SLC25A33: variants seen among roughly 807,000 people sequenced by gnomAD.
The protein encoded by SLC25A33 is bone marrow stromal cell mitochondrial carrier protein.
A neutral mutation model predicts 35.5 loss-of-function variants in SLC25A33; 15 were observed. The ratio of observed to expected loss-of-function variants is 0.42; its 90% CI spans 0.28 to 0.65. SLC25A33 has a LOEUF of 0.65. Ranked by LOEUF, SLC25A33 falls within the 30% of genes least tolerant of loss-of-function variation. The pLI is 0.20. For synonymous variants in SLC25A33, 136 were observed against 148.7 expected (o/e 0.91, Z 0.62); for missense variants, 257 against 398.5 (o/e 0.64, Z 3.02).
chr1:9,581,665 G>T (rs1334827049), intron 6 of SLC25A33, among the ~76,000 whole-genome samples: 1 of 150,838 alleles, frequency 6.6e-6, no homozygotes, highest in Non-Finnish European at 1.5e-5. Flanking sequence ...GAAGGCAGAG[G>T]TTGCAGTGAG....
chr1:9,543,112 G>A (rs1008305001), intron 1 of SLC25A33, among the ~76,000 whole-genome samples: 1 of 151,646 alleles, frequency 6.6e-6, no homozygotes, highest in Non-Finnish European at 1.5e-5. Flanking sequence ...GAGCCACCAC[G>A]CCCTGCGTGA....
At chr1:9,561,338 AT>A (rs1159041731) in intron 2 of SLC25A33, among the ~76,000 whole-genome samples, 1 of 152,142 alleles carries the variant, frequency 6.6e-6, no homozygotes, top group East Asian at 1.9e-4. Context: ...CAGATGAGAC[AT>A]TTGTCTTGGA....
chr1:9,556,646 G>GCC (rs199607544), intron 2 of SLC25A33, among the ~76,000 whole-genome samples: 7 of 151,308 alleles, frequency 4.6e-5, no homozygotes, highest in African/African-American at 1.5e-4. Context: ...AGTAAATCCA[G>GCC]CCCCCCCCAT....
At chr1:9,549,318 G>C (rs1643226239) in intron 1 of SLC25A33, among the ~76,000 whole-genome samples, 1 of 143,432 alleles carries the variant, frequency 7.0e-6, no homozygotes, top group African/African-American at 2.6e-5. Context: ...ATGAACTGCT[G>C]GTGGGATCAA....
intron 2 of SLC25A33, among the ~76,000 whole-genome samples, chr1:9,558,789 C>T (rs1643380316): frequency 6.6e-6 from 1 of 152,194 alleles, no homozygotes. Flanking sequence ...CATTCACTTC[C>T]TGACTGCTCT....
intron 4 of SLC25A33, among the ~76,000 whole-genome samples, chr1:9,572,306 A>C (rs1398787696): frequency 6.6e-6 from 1 of 152,206 alleles, no homozygotes; most frequent in Non-Finnish European, 1.5e-5. Context: ...AGCAGACCTC[A>C]AGGAAGTTCT....
intron 5 of SLC25A33, among the ~76,000 whole-genome samples, chr1:9,577,673 G>A (rs1433759658): frequency 6.6e-6 from 1 of 152,118 alleles, no homozygotes; most frequent in East Asian, 1.9e-4. Flanking sequence ...TTTGAGGGCA[G>A]TGGAAAGTCA....
At chr1:9,571,827 A>C in intron 4 of SLC25A33, among the ~76,000 whole-genome samples, 3 of 151,946 alleles carry the variant, frequency 2.0e-5, no homozygotes, top group Admixed American at 1.3e-4. Flanking sequence ...TTTTTGTAGA[A>C]ATGGAGTTTA....
intron 6 of SLC25A33, among the ~76,000 whole-genome samples, chr1:9,580,762 A>G (rs904739383): frequency 2.0e-5 from 3 of 151,930 alleles, no homozygotes; most frequent in African/African-American, 7.2e-5. Flanking sequence ...AAGCTGAGGC[A>G]GGAGAATCGC....
At position 9,585,004 on chromosome 1, in the gene SLC25A33, T is replaced by C. The variant is rs1176863795; in HGVS notation, c.*2503T>C. 2.6e-5 allele frequency: 4 copies of C among 152,226 alleles called. No individual in the cohort carries two copies. The highest frequency in any genetic ancestry group is 2.0e-4 in the Admixed American group (3 of 15,278). The allele number at this position is 152,226 out of a possible 1,614,324, so 9.4% of individuals were successfully genotyped here. A position where few individuals can be genotyped will look rare whatever the true frequency, so the allele number is the denominator to read the frequency against. ...AGCACTGGAATTACAGAGTAACATC[T>C]AATTTTAATATTCACATTCCTATTT... On this transcript the variant is annotated 3_prime_UTR_variant, in exon 7 of 7. Coordinates refer to ENST00000302692, the MANE Select transcript of SLC25A33 (RefSeq NM_032315.3).
intron 5 of SLC25A33, 144 bp from the exon 6 acceptor site, chr1:9,579,810 A>G: frequency 1.0e-6 from 1 of 998,646 alleles, no homozygotes; most frequent in South Asian, 1.8e-5. Flanking sequence ...ACATAACGAA[A>G]GACAAGGGCT....
At chr1:9,542,664 G>A (rs1557522211) in intron 1 of SLC25A33, among the ~76,000 whole-genome samples, 1 of 152,076 alleles carries the variant, frequency 6.6e-6, no homozygotes, top group Non-Finnish European at 1.5e-5. Flanking sequence ...AAAACGAAGT[G>A]CACTTCCTTT....
rs1315223148 is a variant in SLC25A33, at chr1:9,539,653, C to T, written c.-39C>T. ...CATCCCTCGAGCCGCCACGCGCTCT[C>T]GCCACCGGGCGGCGACGGGCCGCGG... On this transcript the variant is annotated 5_prime_UTR_variant, in exon 1 of 7. Transcript: ENST00000302692. The T allele has an allele frequency of 1.3e-5, 17 of 1,330,996 alleles. No homozygotes were observed. In the Admixed American group the frequency reaches 2.0e-4, roughly 15 times the overall value. 82.4% of individuals were successfully genotyped at this position (1,330,996 alleles called of 1,614,324 possible).
rs1337202283 is a variant in SLC25A33, at chr1:9,549,484, GGAACTGATGGTGGGATCAACGGGGGGGAT to G, written c.57-4122_57-4094del. On this transcript the variant is annotated intron_variant, in intron 1 of 6. Coordinates refer to ENST00000302692, the MANE Select transcript of SLC25A33 (RefSeq NM_032315.3). ...CTGCTGATGGGATCAATGGCGGGGA[GGAACTGATGGTGGGATCAACGGGGGGGAT>G]GAACTGATGGTGGGATCAATGGGAG... 7.6e-5 allele frequency among the ~76,000 whole-genome samples: 10 copies of G among 131,724 alleles called. No individual in the cohort carries two copies. In the East Asian group the frequency reaches 2.1e-3, roughly 28 times the overall value. The allele number at this position is 131,724 out of a possible 152,430, so 86.4% of individuals were successfully genotyped here.
chr1:9,541,218 A>G (rs528315022), intron 1 of SLC25A33, among the ~76,000 whole-genome samples: 1 of 135,798 alleles, frequency 7.4e-6, no homozygotes, highest in Non-Finnish European at 1.6e-5. Flanking sequence ...CACTGGCGCC[A>G]TCTCAGCTCA....
chr1:9,564,739 AATATATATAT>A (rs70979762), intron 2 of SLC25A33, among the ~76,000 whole-genome samples: 2 of 96,540 alleles, frequency 2.1e-5, no homozygotes. Context: ...AAAAAAAAAA[AATATATATAT>A]ATATATATAT....
chr1:9,580,617 G>A lies in SLC25A33; in HGVS notation c.763+383G>A, dbSNP rs540563687. Among the ~76,000 whole-genome samples the A allele has an allele frequency of 7.2e-5, 11 of 152,284 alleles. No homozygotes were observed. The South Asian group carries it at 1.2e-3, about 17-fold the overall frequency. On this transcript the variant is annotated intron_variant, in intron 6 of 6. Transcript: ENST00000302692. ...TCACGCCTGTAATCCCAGCACTTTG[G>A]GAGGCTGAGGCGGGCGGATCATGAG...
chr1:9,569,530 A>G (rs1208349939), intron 3 of SLC25A33, among the ~76,000 whole-genome samples: 1 of 152,202 alleles, frequency 6.6e-6, no homozygotes, highest in East Asian at 1.9e-4. Context: ...CATTAGGGGA[A>G]ATGGAAGACT....
intron 1 of SLC25A33, among the ~76,000 whole-genome samples, chr1:9,550,603 G>A (rs1007793712): frequency 1.3e-5 from 2 of 152,154 alleles, no homozygotes; most frequent in African/African-American, 4.8e-5. Context: ...ATGACAGGTA[G>A]GAGTATTTTG....
Sources: gnomAD v4.1 joint callset for allele counts (sites outside exome capture counted in the v4.1 genomes callset) on GRCh38, gnomAD v4.1.1 for gene constraint, MANE v1.5 for transcripts, NCBI Gene and HGNC (gene_info 2026-07-23, HGNC 2026-07-21) for gene names.